Variants in PDE8A observed in about 807,000 individuals in gnomAD.
PDE8A encodes the protein phosphodiesterase 8A.
In PDE8A, 59 loss-of-function variants were observed where a neutral mutation model predicts 105.0. The ratio of observed to expected loss-of-function variants is 0.56; its 90% CI spans 0.46 to 0.70. The LOEUF (loss-of-function observed/expected upper bound fraction) is 0.70. Among genes scored for constraint, PDE8A ranks in the 30% least tolerant of loss-of-function variants. The pLI is 0.00. For missense variants in PDE8A, 1,014 were observed against 1,045.9 expected, an observed-to-expected ratio of 0.97 and a Z score of 0.42; for synonymous variants, 355 against 371.9, an observed-to-expected ratio of 0.95 and a Z score of 0.52.
At chr15:85,009,831 A>G (rs940378898) in intron 1 of PDE8A, among the ~76,000 whole-genome samples, 2 of 152,242 alleles carry the variant, frequency 1.3e-5, no homozygotes, top group African/African-American at 4.8e-5. Context: ...AGTCACTACT[A>G]GAATGTCCAT....
Position 85,116,164 on chromosome 15 carries a change from G to A in PDE8A, c.1535+45G>A, listed in dbSNP as rs199721499. 5.5e-5 allele frequency: 89 copies of A among 1,604,728 alleles called. No individual in the cohort carries two copies. In the African/African-American group the frequency reaches 1.1e-3, roughly 21 times the overall value. On this transcript the variant is annotated intron_variant, in intron 16 of 21. Coordinates refer to ENST00000394553, the MANE Select transcript of PDE8A (RefSeq NM_002605.3). ...AGCAGCGGGAGAACTAGATTCCCAGGGCCTGTGTGAGGAGGCTACCTGAGG... is the reference window on the plus strand; with the variant it reads ...AGCAGCGGGAGAACTAGATTCCCAGAGCCTGTGTGAGGAGGCTACCTGAGG...
chr15:85,123,019 A>T lies in PDE8A; in HGVS notation c.1953-42A>T, dbSNP rs1335765631. 1.9e-6 allele frequency: 3 copies of T among 1,606,798 alleles called. No individual in the cohort carries two copies. In the African/African-American group the frequency reaches 4.0e-5, roughly 21 times the overall value. ...TTTCAGGAGTACCTGTCTGGTCTGG[A>T]TCAGTAATTTGTAGCAGCCTCTAAT... On this transcript the variant is annotated intron_variant, in intron 18 of 21. Coordinates refer to ENST00000394553, the MANE Select transcript of PDE8A (RefSeq NM_002605.3).
intron 11 of PDE8A, among the ~76,000 whole-genome samples, chr15:85,106,317 C>T (rs1383843036): frequency 1.3e-5 from 2 of 152,088 alleles, no homozygotes; most frequent in Admixed American, 6.6e-5. Context: ...CTCCAGGCTC[C>T]TCCTGAACTT....
chr15:85,042,656 G>T (rs1163996854), intron 1 of PDE8A, among the ~76,000 whole-genome samples: 1 of 152,146 alleles, frequency 6.6e-6, no homozygotes, highest in Admixed American at 6.6e-5. Flanking sequence ...CCTGGTCAAG[G>T]ATGCCTTCTT....
intron 2 of PDE8A, 151 bp downstream of exon 2, chr15:85,064,577 A>T (rs1354465329): frequency 1.7e-6 from 1 of 604,882 alleles, no homozygotes; most frequent in Non-Finnish European, 2.9e-6. Flanking sequence ...ACAGTATTAT[A>T]GTTATATAAG....
intron 1 of PDE8A, among the ~76,000 whole-genome samples, chr15:85,029,081 T>A (rs2080568626): frequency 1.3e-5 from 2 of 152,146 alleles, no homozygotes; most frequent in South Asian, 4.1e-4. Flanking sequence ...ATTTAGGAAT[T>A]CTTATTTGCC....
intron 20 of PDE8A, among the ~76,000 whole-genome samples, chr15:85,134,536 G>C (rs555486043): frequency 2.1e-5 from 1 of 48,248 alleles, no homozygotes; most frequent in Non-Finnish European, 3.4e-5. Context: ...CTGGGCCAGC[G>C]TTCCCCACTC....
chr15:85,044,052 G>T (rs1258656762), intron 1 of PDE8A, among the ~76,000 whole-genome samples: 1 of 152,138 alleles, frequency 6.6e-6, no homozygotes, highest in East Asian at 1.9e-4. Flanking sequence ...AAAATGCCTT[G>T]TAATATGTAT....
Position 85,137,983 on chromosome 15 carries a change from C to T in PDE8A, c.*80C>T. 2 of 846,562 alleles carry T rather than the reference C, an allele frequency of 2.4e-6. No individual in the cohort carries two copies. Among genetic ancestry groups the T allele is most frequent in the Non-Finnish European group, 4.0e-6 (2 of 503,124 alleles). 52.4% of individuals were successfully genotyped at this position (846,562 alleles called of 1,614,324 possible). On this transcript the variant is annotated 3_prime_UTR_variant, in exon 22 of 22. Coordinates refer to ENST00000394553, the MANE Select transcript of PDE8A (RefSeq NM_002605.3). Reference sequence around the variant, plus strand: ...CTGAGGGCAGCCAGAGCTCCTTGGTCCTTTCAGTACTAGGCAGAACAGCCC... The same window carrying T: ...CTGAGGGCAGCCAGAGCTCCTTGGTTCTTTCAGTACTAGGCAGAACAGCCC...
chr15:85,024,764 C>G (rs141532157), intron 1 of PDE8A, among the ~76,000 whole-genome samples: 6 of 152,142 alleles, frequency 3.9e-5, no homozygotes, highest in Admixed American at 3.9e-4. Flanking sequence ...GGCAAAAATT[C>G]GGACTTGTTC....
intron 8 of PDE8A, among the ~76,000 whole-genome samples, chr15:85,094,351 G>A (rs1403036500): frequency 6.6e-6 from 1 of 152,114 alleles, no homozygotes; most frequent in African/African-American, 2.4e-5. Flanking sequence ...TCCTCTCACT[G>A]TCTCCCCTTT....
chr15:84,985,011 G>A (rs941517816), intron 1 of PDE8A, among the ~76,000 whole-genome samples: 1 of 152,126 alleles, frequency 6.6e-6, no homozygotes, highest in African/African-American at 2.4e-5. Context: ...GTTCAACAGA[G>A]TTCTTTTATG....
At chr15:85,013,464 A>G (rs745515382) in intron 1 of PDE8A, among the ~76,000 whole-genome samples, 4 of 152,230 alleles carry the variant, frequency 2.6e-5, no homozygotes, top group Non-Finnish European at 4.4e-5. Flanking sequence ...GAAAAGCAAC[A>G]AATTTTTATT....
intron 8 of PDE8A, among the ~76,000 whole-genome samples, 180 bp downstream of exon 8, chr15:85,091,361 A>G (rs2081640930): frequency 6.6e-6 from 1 of 152,242 alleles, no homozygotes; most frequent in South Asian, 2.1e-4. Context: ...CCAAGAAAAT[A>G]TATAATATGA....
At chr15:85,047,463 C>T (rs1010492404) in intron 1 of PDE8A, among the ~76,000 whole-genome samples, 1 of 152,104 alleles carries the variant, frequency 6.6e-6, no homozygotes, top group Non-Finnish European at 1.5e-5. Context: ...TCCTGAGAGC[C>T]GGATATACCC....
rs535410956 is a variant in PDE8A at position 85,040,865 on chromosome 15, A to G, written c.187-23505A>G. 3.3e-5 allele frequency among the ~76,000 whole-genome samples: 5 copies of G among 152,188 alleles called. No homozygotes were observed. The East Asian group carries it at 9.6e-4, about 29-fold the overall frequency. On this transcript the variant is annotated intron_variant, in intron 1 of 21. Coordinates refer to ENST00000394553, the MANE Select transcript of PDE8A (RefSeq NM_002605.3). The stretch of plus-strand genomic sequence containing the variant: ...TGAACCACCACACCCGGCCTTGCTT[A>G]TGTATTTTTAATTTATGTAAATGGT...
chr15:85,073,093 G>A (rs374573518), intron 3 of PDE8A, among the ~76,000 whole-genome samples: 1 of 152,214 alleles, frequency 6.6e-6, no homozygotes, highest in East Asian at 1.9e-4. Flanking sequence ...GAGCCTGGCC[G>A]ACAGAGCAAG....
intron 6 of PDE8A, among the ~76,000 whole-genome samples, chr15:85,083,981 G>A (rs1426382894): frequency 2.0e-5 from 3 of 151,786 alleles, no homozygotes; most frequent in Non-Finnish European, 2.9e-5. Flanking sequence ...ATTAACATTA[G>A]TTATCTCTGG....
intron 5 of PDE8A, among the ~76,000 whole-genome samples, chr15:85,083,128 G>A (rs1160951923): frequency 2.0e-5 from 3 of 152,186 alleles, no homozygotes; most frequent in Non-Finnish European, 4.4e-5. Context: ...GTATATTTTC[G>A]CTTATTGTAA....
Sources: allele counts gnomAD v4.1 joint callset (sites outside exome capture counted in the v4.1 genomes callset), GRCh38; gene constraint gnomAD v4.1.1; transcripts MANE v1.5; gene names NCBI Gene and HGNC (gene_info 2026-07-23, HGNC 2026-07-21).